The following CHCHD6 variants were observed in gnomAD, a reference collection of about 807,000 sequenced individuals.
CHCHD6 encodes the protein coiled-coil-helix-coiled-coil-helix domain containing 6.
CHCHD6 carries 28 observed loss-of-function variants against 32.3 expected under a neutral mutation model. The ratio of observed to expected loss-of-function variants is 0.87; its 90% CI spans 0.64 to 1.19. The LOEUF is 1.19. CHCHD6 is among the 50% of genes most tolerant of loss of function. CHCHD6 has a pLI of 0.00. For synonymous variants in CHCHD6, 122 were observed against 117.5 expected (o/e 1.04, Z -0.25); for missense variants, 333 against 307.0 (o/e 1.08, Z -0.63).
chr3:126,900,044 C>T (rs989698867), intron 5 of CHCHD6, among the ~76,000 whole-genome samples: 3 of 152,138 alleles, frequency 2.0e-5, no homozygotes, highest in Non-Finnish European at 2.9e-5. Flanking sequence ...TTAAATTGTA[C>T]GTTTGTTAAT....
intron 4 of CHCHD6, among the ~76,000 whole-genome samples, chr3:126,760,864 T>A (rs1165848599): frequency 6.6e-6 from 1 of 152,042 alleles, no homozygotes; most frequent in African/African-American, 2.4e-5. Flanking sequence ...AGGCAGGTCT[T>A]GCCCTGTCAC....
chr3:126,750,031 C>T (rs1390523281), intron 4 of CHCHD6, among the ~76,000 whole-genome samples: 1 of 152,214 alleles, frequency 6.6e-6, no homozygotes, highest in African/African-American at 2.4e-5. Flanking sequence ...GTTGGCCACA[C>T]CTTTCCTGGT....
At chr3:126,908,895 G>A (rs772447718) in intron 5 of CHCHD6, among the ~76,000 whole-genome samples, 1 of 152,218 alleles carries the variant, frequency 6.6e-6, no homozygotes, top group Non-Finnish European at 1.5e-5. Flanking sequence ...AGACCCAGAG[G>A]TCTTGACCCT....
At chr3:126,726,629 G>A (rs770778272) in intron 1 of CHCHD6, among the ~76,000 whole-genome samples, 2 of 152,218 alleles carry the variant, frequency 1.3e-5, no homozygotes, top group African/African-American at 2.4e-5. Context: ...TCACTTGCAT[G>A]CTGTCGAGGA....
chr3:126,745,904 C>T (rs1368883406), intron 4 of CHCHD6, among the ~76,000 whole-genome samples: 1 of 152,194 alleles, frequency 6.6e-6, no homozygotes, highest in African/African-American at 2.4e-5. Flanking sequence ...GTAGGGAACC[C>T]TGGGTGCTTG....
chr3:126,713,994 A>G (rs6795950), intron 1 of CHCHD6, among the ~76,000 whole-genome samples: 150,067 of 150,544 alleles, frequency 1, 74,803 homozygotes, highest in Middle Eastern at 1. Context: ...GGAGAATGGC[A>G]TGAACCTGGG....
chr3:126,802,938 CCCAGAATTTCATAT>C (rs1461105425), intron 4 of CHCHD6, among the ~76,000 whole-genome samples: 1 of 152,038 alleles, frequency 6.6e-6, no homozygotes, highest in South Asian at 2.1e-4. Flanking sequence ...GAATTTTCAA[CCCAGAATTTCATAT>C]CCAGCCAAAC....
intron 1 of CHCHD6, among the ~76,000 whole-genome samples, chr3:126,708,109 T>C (rs549477311): frequency 6.6e-6 from 1 of 152,348 alleles, no homozygotes; most frequent in East Asian, 1.9e-4. Flanking sequence ...AGGCAGTGCC[T>C]CTCAGGAGGA....
At chr3:126,785,297 C>T (rs576713887) in intron 4 of CHCHD6, among the ~76,000 whole-genome samples, 3 of 152,304 alleles carry the variant, frequency 2.0e-5, no homozygotes, top group Non-Finnish European at 4.4e-5. Context: ...CCATATCTCC[C>T]GTGGGCAGCA....
At chr3:126,862,392 C>T (rs1332014886) in intron 5 of CHCHD6, among the ~76,000 whole-genome samples, 1 of 135,310 alleles carries the variant, frequency 7.4e-6, no homozygotes. Context: ...CCTCCTCCTC[C>T]TCTACCATCA....
intron 4 of CHCHD6, among the ~76,000 whole-genome samples, chr3:126,768,481 C>G (rs763206508): frequency 2.0e-5 from 3 of 152,164 alleles, no homozygotes; most frequent in Non-Finnish European, 4.4e-5. Context: ...TTATAAACTA[C>G]CCAGTCTCAG....
chr3:126,833,689 T>C (rs142787999), intron 4 of CHCHD6, among the ~76,000 whole-genome samples: 3 of 152,328 alleles, frequency 2.0e-5, no homozygotes, highest in East Asian at 3.9e-4. Flanking sequence ...AGAATAAATA[T>C]ACAACCTCTC....
chr3:126,876,110 G>A (rs1286680269), intron 5 of CHCHD6, among the ~76,000 whole-genome samples: 1 of 152,222 alleles, frequency 6.6e-6, no homozygotes, highest in African/African-American at 2.4e-5. Flanking sequence ...CTTACTCTGA[G>A]CACTGTTAAG....
Position 126,855,314 on chromosome 3 carries a change from C to T in CHCHD6, c.495+2584C>T, listed in dbSNP as rs1228770134. 3.3e-5 allele frequency among the ~76,000 whole-genome samples: 5 copies of T among 152,180 alleles called. No homozygotes were observed. The East Asian group carries it at 9.7e-4, about 29-fold the overall frequency. ...CCCACACAGCAATTCAGTCACTGTG[C>T]CTCCTTTCAGCTCGGTTTCTCCATC... On this transcript the variant is annotated intron_variant, in intron 5 of 7. Coordinates refer to ENST00000290913, the MANE Select transcript of CHCHD6 (RefSeq NM_032343.3).
At chr3:126,750,383 T>A (rs1273375960) in intron 4 of CHCHD6, among the ~76,000 whole-genome samples, 1 of 152,204 alleles carries the variant, frequency 6.6e-6, no homozygotes, top group Non-Finnish European at 1.5e-5. Context: ...ATGCCACCCA[T>A]GGCAAAGCAG....
At chr3:126,727,413 T>G (rs923159420) in intron 2 of CHCHD6, among the ~76,000 whole-genome samples, 1 of 152,182 alleles carries the variant, frequency 6.6e-6, no homozygotes, top group Admixed American at 6.5e-5. Flanking sequence ...TCTGTGCCAC[T>G]TTCTCCATGT....
chr3:126,891,525 C>A (rs2077759625), intron 5 of CHCHD6, among the ~76,000 whole-genome samples: 1 of 152,162 alleles, frequency 6.6e-6, no homozygotes. Flanking sequence ...GTTCCATGAT[C>A]ATCCTGCAGG....
At chr3:126,929,637 C>T (rs2078374640) in intron 6 of CHCHD6, among the ~76,000 whole-genome samples, 1 of 152,176 alleles carries the variant, frequency 6.6e-6, no homozygotes, top group South Asian at 2.1e-4. Flanking sequence ...ACAATCTCGG[C>T]TCACTGCATC....
chr3:126,709,999 T>C (rs1260615939), intron 1 of CHCHD6, among the ~76,000 whole-genome samples: 1 of 152,234 alleles, frequency 6.6e-6, no homozygotes, highest in Non-Finnish European at 1.5e-5. Flanking sequence ...AGGATGACTG[T>C]CCTCAATTCT....
Sources: gnomAD v4.1 joint callset for allele counts (sites outside exome capture counted in the v4.1 genomes callset) on GRCh38, gnomAD v4.1.1 for gene constraint, MANE v1.5 for transcripts, NCBI Gene and HGNC (gene_info 2026-07-23, HGNC 2026-07-21) for gene names.